PTPRH: variants seen among roughly 807,000 people sequenced by gnomAD.
PTPRH encodes receptor-type tyrosine-protein phosphatase H.
In PTPRH, 113 loss-of-function variants were observed where a neutral mutation model predicts 130.2. The observed-to-expected ratio is 0.87, with a 90% CI of 0.75 to 1.01. PTPRH has a LOEUF of 1.01. Ranked by LOEUF, PTPRH falls within the 50% of genes least tolerant of loss-of-function variation. PTPRH has a pLI of 0.00. For synonymous variants in PTPRH, 556 were observed against 577.9 expected, an observed-to-expected ratio of 0.96 and a Z score of 0.54; for missense variants, 1,430 against 1,425.0, an observed-to-expected ratio of 1.00 and a Z score of -0.06.
intron 3 of PTPRH, among the ~76,000 whole-genome samples, chr19:55,206,298 C>G (rs1600082466): frequency 6.7e-6 from 1 of 148,498 alleles, no homozygotes; most frequent in African/African-American, 2.5e-5. Context: ...GTTTGTTTTT[C>G]TTTTCTTTTG....
In PTPRH at chr19:55,192,701, G is replaced by A. The variant is rs566292758; in HGVS notation, c.2258-960C>T. On this transcript the variant is annotated intron_variant, in intron 10 of 19. Transcript: ENST00000376350. ...TGAGTAGCTGGGACTACCGGTGCCC[G>A]CCACCACTCCTGGCTAATTTTTTGT... 7.0e-3 allele frequency among the ~76,000 whole-genome samples: 1,052 copies of A among 151,076 alleles called. 15 individuals are homozygous for A. Among genetic ancestry groups the A allele is most frequent in the African/African-American group, 0.024 (996 of 41,280 alleles).
chr19:55,193,547 C>T (rs1015802687), intron 10 of PTPRH, among the ~76,000 whole-genome samples: 45 of 152,304 alleles, frequency 3.0e-4, no homozygotes, highest in African/African-American at 1.0e-3. Flanking sequence ...TGTCTGGAGA[C>T]GCTTTTGGTT....
chr19:55,198,547 G>A, intron 8 of PTPRH, 96 bp downstream of exon 8: 1 of 1,318,954 alleles, frequency 7.6e-7, no homozygotes, highest in Non-Finnish European at 1.0e-6. Context: ...AGAGGCCCAT[G>A]GGTACTCTTC....
At chr19:55,207,352 G>A (rs527943381) in intron 1 of PTPRH, 153 bp from the exon 2 acceptor site, 140 of 769,594 alleles carry the variant, frequency 1.8e-4, no homozygotes, top group Middle Eastern at 7.4e-4. Context: ...TCACGACCTC[G>A]ACCGTCTTTC....
intron 15 of PTPRH, 45 bp from the exon 16 acceptor site, chr19:55,186,404 C>T (rs2086327628): frequency 1.9e-6 from 3 of 1,612,588 alleles, no homozygotes; most frequent in African/African-American, 1.3e-5. Context: ...TTAGTTGATC[C>T]CCGAGCTCTT....
At position 55,187,974 on chromosome 19, in the gene PTPRH, C is replaced by T; in HGVS notation, c.2475+104G>A. ...CAATCCAATGACATATGTGATGCTA[C>T]TTTTGCTTAATCCCGAAAGCCGTGA... On this transcript the variant is annotated intron_variant, in intron 13 of 19. Transcript: ENST00000376350. 5.0e-6 allele frequency: 4 copies of T among 792,430 alleles called. 1 individual carries two copies. Among genetic ancestry groups the T allele is most frequent in the Non-Finnish European group, 8.7e-6 (4 of 458,346 alleles). The allele number at this position is 792,430 out of a possible 1,614,324, so 49.1% of individuals were successfully genotyped here.
chr19:55,189,469 C>G (rs1350239312), intron 12 of PTPRH, among the ~76,000 whole-genome samples: 1 of 152,194 alleles, frequency 6.6e-6, no homozygotes, highest in African/African-American at 2.4e-5. Context: ...GACCTCACTT[C>G]CCACTGCCCT....
intron 1 of PTPRH, chr19:55,207,402 G>C (rs2087105710): frequency 1.7e-6 from 1 of 578,466 alleles, no homozygotes; most frequent in East Asian, 2.9e-5. Flanking sequence ...CAGGAGCAGA[G>C]CTTAGGGAGC....
chr19:55,182,380 C>T (rs747069814), intron 18 of PTPRH, among the ~76,000 whole-genome samples: 20 of 152,134 alleles, frequency 1.3e-4, no homozygotes, highest in African/African-American at 1.9e-4. Flanking sequence ...AAAAATTAGC[C>T]GGGTATGGTG....
rs1264842536 is a variant in PTPRH at position 55,188,157 on chromosome 19, T to C, written c.2396A>G (p.Asp799Gly). Residue 799 changes from aspartate (D) to glycine (G), a missense_variant, in exon 13 of 20, where the codon GAC (aspartate) becomes GGC (glycine). Physicochemically the swap from Asp to Gly is moderately conservative, Grantham distance 94 (BLOSUM62 -1). Transcript: ENST00000376350. The stretch of plus-strand genomic sequence containing the variant: ...GTCAGCGAAGTCTTCAGCTGGGATG[T>C]CCCCTGGGGAGCTACGGGTTTTGGG... The part of the protein sequence containing the change: ...LRDLVFSSPG[D>G]IPAEDFADHV... The C allele has an allele frequency of 1.9e-6, 3 of 1,613,784 alleles. No homozygotes were observed. Among genetic ancestry groups the C allele is most frequent in the Non-Finnish European group, 2.5e-6 (3 of 1,179,774 alleles).
At chr19:55,199,626 G>GGAAA (rs1220990127) in intron 7 of PTPRH, among the ~76,000 whole-genome samples, 1 of 128,298 alleles carries the variant, frequency 7.8e-6, no homozygotes, top group Non-Finnish European at 1.6e-5. Context: ...AAGAAAAGAA[G>GGAAA]GAAAGAAAGA....
chr19:55,186,391 C>A (rs902962324), intron 15 of PTPRH, 32 bp from the exon 16 acceptor site: 3 of 1,612,104 alleles, frequency 1.9e-6, no homozygotes, highest in African/African-American at 2.7e-5. Flanking sequence ...GTCAGGGGGG[C>A]CTTTAGTTGA....
chr19:55,196,580 G>T lies in PTPRH; in HGVS notation c.2199C>A (p.Thr733=). The T allele has an allele frequency of 6.2e-7, 1 of 1,613,808 alleles. No individual in the cohort carries two copies. The highest frequency in any genetic ancestry group is 8.5e-7 in the Non-Finnish European group (1 of 1,179,986). ...ACACGACCTTCATTCCGTCCCAGAT[G>T]GTCGTGATGGTGGCTGGGTAGGACC... is the stretch of plus-strand genomic sequence containing the variant. ...PARSYPATIT[T]IWDGMKVVSH... is the part of the protein sequence containing the mutation. The change falls in exon 10 of 20, where the codon ACC becomes ACA. Residue 733 remains threonine (T), a synonymous_variant. Coordinates refer to ENST00000376350, the MANE Select transcript of PTPRH (RefSeq NM_002842.5).
At chr19:55,187,083 C>T (rs1289642503) in intron 14 of PTPRH, among the ~76,000 whole-genome samples, 6 of 149,724 alleles carry the variant, frequency 4.0e-5, no homozygotes, top group Non-Finnish European at 8.9e-5. Flanking sequence ...CAGTGGCTCA[C>T]GCCCGTAATC....
intron 1 of PTPRH, 63 bp from the exon 2 acceptor site, chr19:55,207,262 A>C (rs2087099607): frequency 5.8e-6 from 9 of 1,557,828 alleles, no homozygotes; most frequent in African/African-American, 1.4e-5. Flanking sequence ...AGTGAGGCCG[A>C]GGGGCTGGGA....
chr19:55,189,287 CTT>C (rs2147421201), intron 12 of PTPRH, among the ~76,000 whole-genome samples: 1 of 152,258 alleles, frequency 6.6e-6, no homozygotes, highest in Admixed American at 6.5e-5. Context: ...CGCCTGGCCT[CTT>C]GTCTGGATTA....
intron 10 of PTPRH, chr19:55,193,869 A>C: frequency 5.7e-6 from 1 of 174,626 alleles, no homozygotes; most frequent in South Asian, 1.0e-4. Flanking sequence ...GTTTTTTGAG[A>C]CGGAGTTTTG....
intron 4 of PTPRH, among the ~76,000 whole-genome samples, chr19:55,204,514 C>T (rs1313455426): frequency 6.6e-6 from 1 of 152,190 alleles, no homozygotes; most frequent in Non-Finnish European, 1.5e-5. Context: ...GCTGTGTGCA[C>T]ATCTCACAGG....
chr19:55,193,005 G>A (rs2086586335), intron 10 of PTPRH, among the ~76,000 whole-genome samples: 1 of 151,692 alleles, frequency 6.6e-6, no homozygotes, highest in Non-Finnish European at 1.5e-5. Context: ...GAGGTGGGTG[G>A]ATCACTTGAG....
Sources: gnomAD v4.1 joint callset for allele counts (sites outside exome capture counted in the v4.1 genomes callset) on GRCh38, gnomAD v4.1.1 for gene constraint, MANE v1.5 for transcripts, NCBI Gene and HGNC (gene_info 2026-07-23, HGNC 2026-07-21) for gene names.